GXYLT2: variants seen among roughly 807,000 people sequenced by gnomAD.
The protein encoded by GXYLT2 is glucoside xylosyltransferase 2.
GXYLT2 carries 53 observed loss-of-function variants against 45.8 expected under a neutral mutation model. The ratio of observed to expected loss-of-function variants is 1.16; its 90% confidence interval spans 0.93 to 1.46. GXYLT2 has a LOEUF of 1.46. Among genes scored for constraint, GXYLT2 ranks in the 40% most tolerant of loss-of-function variants. The pLI is 0.00. For synonymous variants in GXYLT2, 219 were observed against 214.2 expected, an observed-to-expected ratio of 1.02 and a Z score of -0.19; for missense variants, 551 against 544.4, an observed-to-expected ratio of 1.01 and a Z score of -0.12.
chr3:72,964,747 A>G (rs73838433), intron 5 of GXYLT2, among the ~76,000 whole-genome samples: 2,911 of 152,352 alleles, frequency 0.019, 109 homozygotes, highest in African/African-American at 0.066. Flanking sequence ...CACACAGCAG[A>G]CACTCAACAA....
chr3:72,916,013 T>C (rs1162350785), intron 2 of GXYLT2, among the ~76,000 whole-genome samples: 1 of 151,952 alleles, frequency 6.6e-6, no homozygotes, highest in East Asian at 1.9e-4. Context: ...CCATGATCCT[T>C]TTAGATGCAT....
chr3:72,936,697 A>G (rs1367389710), intron 3 of GXYLT2, among the ~76,000 whole-genome samples: 1 of 152,220 alleles, frequency 6.6e-6, no homozygotes, highest in Non-Finnish European at 1.5e-5. Flanking sequence ...TAACAACAGC[A>G]AAAAGAGTCA....
chr3:72,929,569 C>G (rs1209850883), intron 3 of GXYLT2: 1 of 1,116,522 alleles, frequency 9.0e-7, no homozygotes, highest in Non-Finnish European at 1.3e-6. Flanking sequence ...GACAAGCACA[C>G]GCTGGGAGAC....
At chr3:72,971,909 A>C (rs182473705) in intron 6 of GXYLT2, among the ~76,000 whole-genome samples, 1 of 151,684 alleles carries the variant, frequency 6.6e-6, no homozygotes, top group African/African-American at 2.4e-5. Context: ...GGATCGTGCC[A>C]CTGCACTCCA....
Position 72,975,340 on chromosome 3 carries a change from T to C in GXYLT2, c.*181T>C, listed in dbSNP as rs1300758111. 2.4e-6 allele frequency: 1 copy of C among 419,556 alleles called. No individual in the cohort carries two copies. Among genetic ancestry groups the C allele is most frequent in the Non-Finnish European group, 4.2e-6 (1 of 237,442 alleles). The allele number at this position is 419,556 out of a possible 1,614,324, so 26.0% of individuals were successfully genotyped here. Reference sequence around the variant, plus strand: ...AAAGGGAATATGCTTTTCCTTATTTTTTTTTCTAAAATGCTATTTATCTCT... The same window carrying C: ...AAAGGGAATATGCTTTTCCTTATTTCTTTTTCTAAAATGCTATTTATCTCT... On this transcript the variant is annotated 3_prime_UTR_variant, in exon 7 of 7. Coordinates refer to ENST00000389617, the MANE Select transcript of GXYLT2 (RefSeq NM_001080393.2).
chr3:72,905,527 T>C (rs1038541533), intron 1 of GXYLT2, among the ~76,000 whole-genome samples: 3 of 152,248 alleles, frequency 2.0e-5, no homozygotes, highest in Non-Finnish European at 2.9e-5. Flanking sequence ...CTTTTCTCCT[T>C]TGCATAGTCA....
At chr3:72,932,467 T>G (rs1283469433) in intron 3 of GXYLT2, among the ~76,000 whole-genome samples, 7 of 152,224 alleles carry the variant, frequency 4.6e-5, no homozygotes, top group Non-Finnish European at 1.0e-4. Flanking sequence ...AAACCATTGT[T>G]TAATCCAAAG....
At chr3:72,931,734 G>A (rs1710041450) in intron 3 of GXYLT2, among the ~76,000 whole-genome samples, 1 of 151,742 alleles carries the variant, frequency 6.6e-6, no homozygotes, top group South Asian at 2.1e-4. Context: ...CACCTCAGAA[G>A]AGCAAACTAA....
intron 3 of GXYLT2, chr3:72,929,742 G>A: frequency 1.8e-6 from 1 of 557,674 alleles, no homozygotes; most frequent in Non-Finnish European, 3.2e-6. Context: ...GCAAAATAAA[G>A]CAGAAAAGAA....
At chr3:72,896,686 C>T (rs1276329000) in intron 1 of GXYLT2, among the ~76,000 whole-genome samples, 1 of 151,566 alleles carries the variant, frequency 6.6e-6, no homozygotes, top group African/African-American at 2.4e-5. Context: ...TGGTCTCTAC[C>T]AAAAATACAA....
chr3:72,899,659 A>C (rs142170359), intron 1 of GXYLT2, among the ~76,000 whole-genome samples: 1 of 152,168 alleles, frequency 6.6e-6, no homozygotes, highest in Non-Finnish European at 1.5e-5. Context: ...TGACATGGCT[A>C]TAATTATCCA....
At chr3:72,947,303 A>G (rs536651190) in intron 3 of GXYLT2, among the ~76,000 whole-genome samples, 1 of 152,318 alleles carries the variant, frequency 6.6e-6, no homozygotes, top group African/African-American at 2.4e-5. Flanking sequence ...GCTTTCTATT[A>G]GGATTATTTA....
chr3:72,926,168 G>A (rs992007067), intron 3 of GXYLT2, among the ~76,000 whole-genome samples: 3 of 152,128 alleles, frequency 2.0e-5, no homozygotes, highest in Non-Finnish European at 4.4e-5. Flanking sequence ...TTTCCAAGAG[G>A]CTGTCATCTA....
intron 1 of GXYLT2, among the ~76,000 whole-genome samples, chr3:72,895,424 CCTGA>C (rs1709270981): frequency 1.3e-5 from 2 of 152,116 alleles, no homozygotes; most frequent in Non-Finnish European, 2.9e-5. Context: ...ACCAGAGAGT[CCTGA>C]CTAATTTGAA....
chr3:72,952,529 T>C (rs1710547981), intron 3 of GXYLT2, among the ~76,000 whole-genome samples: 1 of 152,122 alleles, frequency 6.6e-6, no homozygotes, highest in South Asian at 2.1e-4. Context: ...AGTGGCATGT[T>C]ATACTAGTCT....
intron 3 of GXYLT2, among the ~76,000 whole-genome samples, chr3:72,940,969 C>T (rs763451539): frequency 7.2e-5 from 11 of 152,086 alleles, no homozygotes; most frequent in Non-Finnish European, 1.0e-4. Flanking sequence ...CATGAGCCAC[C>T]GCACTGGCCC....
At chr3:72,926,825 G>A (rs1709927217) in intron 3 of GXYLT2, 1 of 152,180 alleles carries the variant, frequency 6.6e-6, no homozygotes, top group Non-Finnish European at 1.5e-5. Flanking sequence ...GGTAGGGTAA[G>A]GTTGTATCCA....
intron 2 of GXYLT2, 123 bp from the exon 3 acceptor site, chr3:72,922,081 T>A: frequency 1.2e-6 from 1 of 804,768 alleles, no homozygotes; most frequent in Non-Finnish European, 2.0e-6. Flanking sequence ...ATAGTGGTGA[T>A]GAAGTTAGAC....
intron 3 of GXYLT2, among the ~76,000 whole-genome samples, chr3:72,941,243 G>A (rs1710292847): frequency 6.6e-6 from 1 of 152,154 alleles, no homozygotes; most frequent in Non-Finnish European, 1.5e-5. Context: ...CCTGCTACAT[G>A]TGTCTCTATT....
Sources: allele counts gnomAD v4.1 joint callset (sites outside exome capture counted in the v4.1 genomes callset), GRCh38; gene constraint gnomAD v4.1.1; transcripts MANE v1.5; gene names NCBI Gene and HGNC (gene_info 2026-07-23, HGNC 2026-07-21).